Variants in EPHB1 observed in about 807,000 individuals in gnomAD.
The protein encoded by EPHB1 is EPH receptor B1, also known as ephrin type-B receptor 1.
A neutral mutation model predicts 94.4 loss-of-function variants in EPHB1; 30 were observed. That is an observed-to-expected ratio of 0.32 (90% CI 0.24 to 0.43). EPHB1 has a LOEUF of 0.43. EPHB1 is among the 20% of genes least tolerant of loss of function. The probability of loss-of-function intolerance (pLI) is 1.00; values close to 1 mark genes in which losing one functional copy is unlikely to be tolerated. For missense variants in EPHB1, 1,055 were observed against 1,308.3 expected, an observed-to-expected ratio of 0.81 and a Z score of 2.99; for synonymous variants, 522 against 489.1, an observed-to-expected ratio of 1.07 and a Z score of -0.89.
intron 4 of EPHB1, among the ~76,000 whole-genome samples, chr3:135,114,601 G>A (rs372995020): frequency 1.4e-5 from 2 of 144,120 alleles, no homozygotes; most frequent in East Asian, 2.1e-4. Context: ...GCATGTTCCT[G>A]TAGTCCCAGC....
intron 3 of EPHB1, among the ~76,000 whole-genome samples, chr3:134,996,124 T>C (rs1934986383): frequency 6.6e-6 from 1 of 152,246 alleles, no homozygotes; most frequent in Non-Finnish European, 1.5e-5. Context: ...CTCCTAATAA[T>C]AATCAACAAT....
chr3:135,254,151 A>C (rs1183361180), intron 15 of EPHB1, among the ~76,000 whole-genome samples: 1 of 86,724 alleles, frequency 1.2e-5, no homozygotes, highest in Non-Finnish European at 2.3e-5. Flanking sequence ...CAATCATGTC[A>C]TCTGCAAACA....
At chr3:135,169,742 A>G (rs919654934) in intron 9 of EPHB1, among the ~76,000 whole-genome samples, 10 of 152,176 alleles carry the variant, frequency 6.6e-5, no homozygotes, top group Non-Finnish European at 1.5e-4. Flanking sequence ...TCTTAAACTC[A>G]TTGAGTCTTC....
intron 3 of EPHB1, among the ~76,000 whole-genome samples, chr3:135,032,505 GT>G (rs1936511424): frequency 6.6e-6 from 1 of 151,872 alleles, no homozygotes; most frequent in South Asian, 2.1e-4. Flanking sequence ...TGAATCCTCT[GT>G]TTGTAGGTTT....
chr3:134,948,362 A>T (rs574763313), intron 2 of EPHB1, among the ~76,000 whole-genome samples: 2 of 151,964 alleles, frequency 1.3e-5, no homozygotes, highest in Non-Finnish European at 2.9e-5. Context: ...TCCTCAAGTC[A>T]TGTAGGGTCA....
chr3:134,887,235 C>T (rs1173334482), intron 1 of EPHB1, among the ~76,000 whole-genome samples: 1 of 152,156 alleles, frequency 6.6e-6, no homozygotes, highest in Admixed American at 6.5e-5. Context: ...CCTGCGTTCT[C>T]CTCATGTGAT....
chr3:135,108,725 C>G (rs1047350793), intron 4 of EPHB1, among the ~76,000 whole-genome samples: 3 of 152,190 alleles, frequency 2.0e-5, no homozygotes, highest in Non-Finnish European at 2.9e-5. Context: ...TTCTCTCCCC[C>G]CTTCACTTCT....
chr3:135,166,410 A>G (rs1941653816), intron 8 of EPHB1, among the ~76,000 whole-genome samples: 1 of 152,060 alleles, frequency 6.6e-6, no homozygotes. Flanking sequence ...TGCATAACCC[A>G]TCCTCCAGTT....
chr3:135,163,675 C>T (rs1052870334), intron 7 of EPHB1, among the ~76,000 whole-genome samples: 3 of 152,210 alleles, frequency 2.0e-5, no homozygotes, highest in African/African-American at 7.2e-5. Flanking sequence ...GTGCTGGTCT[C>T]TTGGCAATTC....
intron 3 of EPHB1, among the ~76,000 whole-genome samples, chr3:135,005,958 C>T (rs1319011633): frequency 6.6e-6 from 1 of 152,180 alleles, no homozygotes; most frequent in Non-Finnish European, 1.5e-5. Context: ...CGGAGCTGTT[C>T]CTATTCGGCC....
chr3:134,865,869 G>A (rs2037366150), intron 1 of EPHB1, among the ~76,000 whole-genome samples: 1 of 152,306 alleles, frequency 6.6e-6, no homozygotes, highest in Admixed American at 6.5e-5. Flanking sequence ...TAAAACGGTT[G>A]GATATTGGGA....
In EPHB1 at chr3:135,256,712, G is replaced by C. The variant is rs193085954; in HGVS notation, c.2847-2300G>C. Among the ~76,000 whole-genome samples the C allele has an allele frequency of 2.9e-3, 434 of 152,078 alleles. 2 individuals carry two copies. The highest frequency in any genetic ancestry group is 3.2e-3 in the Non-Finnish European group (217 of 68,012). Reference sequence around the variant, plus strand: ...ATTATGTCTTGGAGTTGCTCTTCTCGAGGAGTATCTTTGTGGCGTTCTCTG... The same window carrying C: ...ATTATGTCTTGGAGTTGCTCTTCTCCAGGAGTATCTTTGTGGCGTTCTCTG... On this transcript the variant is annotated intron_variant, in intron 15 of 15. Coordinates refer to ENST00000398015, the MANE Select transcript of EPHB1 (RefSeq NM_004441.5).
At chr3:134,905,114 G>A (rs181751761) in intron 1 of EPHB1, among the ~76,000 whole-genome samples, 5 of 152,296 alleles carry the variant, frequency 3.3e-5, no homozygotes, top group Admixed American at 2.0e-4. Flanking sequence ...TGAGGGTCCT[G>A]CTTCACTCCC....
At chr3:135,045,946 C>A (rs1007105102) in intron 3 of EPHB1, among the ~76,000 whole-genome samples, 8 of 152,146 alleles carry the variant, frequency 5.3e-5, no homozygotes, top group Admixed American at 2.0e-4. Flanking sequence ...AGAGCTATTA[C>A]AGTTTGTTTC....
At chr3:135,226,806 G>A (rs1353000304) in intron 12 of EPHB1, among the ~76,000 whole-genome samples, 1 of 150,956 alleles carries the variant, frequency 6.6e-6, no homozygotes, top group Non-Finnish European at 1.5e-5. Flanking sequence ...TTTAAAAACC[G>A]ATCCATCATT....
In EPHB1 at chr3:135,253,855, G is replaced by T. The variant is rs1258076375; in HGVS notation, c.2846+4364G>T. Among the ~76,000 whole-genome samples, 1,196 of 151,958 alleles carry T rather than the reference G, an allele frequency of 7.9e-3. 13 individuals carry two copies. The highest frequency in any genetic ancestry group is 0.027 in the African/African-American group (1,096 of 41,352). ...TCTTCCTACCCATGAGCATGGAATG[G>T]TCTTCCATTTGTTTGTATCCTTTTT... On this transcript the variant is annotated intron_variant, in intron 15 of 15. Transcript: ENST00000398015.
intron 1 of EPHB1, among the ~76,000 whole-genome samples, chr3:134,881,784 A>C (rs1016271779): frequency 6.6e-6 from 1 of 152,208 alleles, no homozygotes; most frequent in Admixed American, 6.5e-5. Flanking sequence ...TCTTATTTTT[A>C]ATCCCCAGAA....
intron 3 of EPHB1, among the ~76,000 whole-genome samples, chr3:135,042,770 T>C (rs1936892080): frequency 6.6e-6 from 1 of 152,240 alleles, no homozygotes; most frequent in South Asian, 2.1e-4. Context: ...ATTATCCAAC[T>C]GATCACAGGA....
At chr3:135,126,591 G>T (rs1940217696) in intron 4 of EPHB1, among the ~76,000 whole-genome samples, 1 of 152,170 alleles carries the variant, frequency 6.6e-6, no homozygotes, top group African/African-American at 2.4e-5. Flanking sequence ...CTAAGGTTCT[G>T]CCCCTTGGTA....
Sources: allele counts gnomAD v4.1 joint callset (sites outside exome capture counted in the v4.1 genomes callset), GRCh38; gene constraint gnomAD v4.1.1; transcripts MANE v1.5; gene names NCBI Gene and HGNC (gene_info 2026-07-23, HGNC 2026-07-21).